DKK4: variants seen among roughly 807,000 people sequenced by gnomAD.
DKK4 encodes dickkopf-related protein 4.
Under a neutral mutation model 14.5 loss-of-function variants are expected in DKK4, and 15 were observed. That is an observed-to-expected ratio of 1.03 (90% confidence interval 0.69 to 1.59). The LOEUF is 1.59. DKK4 is among the 40% of genes most tolerant of loss of function. The probability of loss-of-function intolerance (pLI) is 0.00; values close to 1 mark genes in which losing one functional copy is unlikely to be tolerated. For missense variants in DKK4, 272 were observed against 280.3 expected (o/e 0.97, Z 0.21); for synonymous variants, 89 against 105.2 (o/e 0.85, Z 0.94).
the DKK4 span, among the ~76,000 whole-genome samples, chr8:42,383,768 C>G: frequency 6.6e-6 from 1 of 152,212 alleles, no homozygotes; most frequent in African/African-American, 2.4e-5. Context: ...CATGGCGAAA[C>G]CCCGTCTCTA....
the DKK4 span, among the ~76,000 whole-genome samples, chr8:42,390,476 G>T: frequency 1.4e-5 from 2 of 143,088 alleles, no homozygotes; most frequent in Non-Finnish European, 3.0e-5. Context: ...CCATTCTCCT[G>T]CCTCAGCCTC....
chr8:42,383,724 C>G, the DKK4 span, among the ~76,000 whole-genome samples: 1 of 152,240 alleles, frequency 6.6e-6, no homozygotes, highest in Non-Finnish European at 1.5e-5. Flanking sequence ...AGGCAGATCA[C>G]TGGAGGTCAG....
In DKK4 at chr8:42,374,880, AT is replaced by A. The variant is rs760313862; in HGVS notation, c.295del (p.Ile99TyrfsTer2). The stretch of plus-strand genomic sequence containing the variant: ...TTGCTCATCAAGCTGCCTTTCTAAT[AT>A]TGGGGTTGCATCTTCCATCGTAGTA... ...VCTTMEDATP[I>X]LERQLDEQDG... On this transcript the variant is annotated frameshift_variant, in exon 3 of 4. Transcript: ENST00000220812. LOFTEE classifies it high-confidence loss of function. 2.5e-5 allele frequency: 40 copies of A among 1,613,980 alleles called. No homozygotes were observed. Among genetic ancestry groups the A allele is most frequent in the Non-Finnish European group, 3.4e-5 (40 of 1,180,028 alleles).
the DKK4 span, among the ~76,000 whole-genome samples, chr8:42,384,608 A>G: frequency 6.6e-6 from 1 of 152,052 alleles, no homozygotes; most frequent in Admixed American, 6.5e-5. Context: ...CTTTGGCCAA[A>G]GAAAGCCACC....
At chr8:42,390,893 C>T in the DKK4 span, among the ~76,000 whole-genome samples, 17 of 152,236 alleles carry the variant, frequency 1.1e-4, no homozygotes, top group South Asian at 3.5e-3. Flanking sequence ...TGTGAAGGTA[C>T]CCTTTTCTCT....
intron 2 of DKK4, 141 bp downstream of exon 2, chr8:42,375,539 A>T: frequency 1.8e-6 from 2 of 1,106,298 alleles, no homozygotes; most frequent in Non-Finnish European, 2.5e-6. Context: ...AAAAAGGAAA[A>T]GAAAAGGCAG....
At chr8:42,386,202 G>T in the DKK4 span, among the ~76,000 whole-genome samples, 2 of 151,840 alleles carry the variant, frequency 1.3e-5, no homozygotes, top group Non-Finnish European at 2.9e-5. Context: ...TGATCCTCCC[G>T]CCTCAGCCTC....
chr8:42,388,197 T>C, the DKK4 span, among the ~76,000 whole-genome samples: 2 of 152,224 alleles, frequency 1.3e-5, no homozygotes, highest in Non-Finnish European at 2.9e-5. Context: ...GAGTTTTGCC[T>C]GTATAGCTTT....
chr8:42,382,958 G>A, the DKK4 span, among the ~76,000 whole-genome samples: 20 of 152,122 alleles, frequency 1.3e-4, no homozygotes, highest in Non-Finnish European at 1.5e-5. Context: ...TGTCAGAACC[G>A]ATTATTTATA....
chr8:42,374,974 C>G (rs1293525271), intron 2 of DKK4, 61 bp from the exon 3 acceptor site: 2 of 1,554,970 alleles, frequency 1.3e-6, no homozygotes, highest in Non-Finnish European at 1.8e-6. Flanking sequence ...CACAGACACA[C>G]TAATTATCCT....
the DKK4 span, among the ~76,000 whole-genome samples, chr8:42,388,716 G>A: frequency 7.5e-5 from 11 of 147,038 alleles, no homozygotes; most frequent in African/African-American, 2.3e-4. Flanking sequence ...GACTACAGGC[G>A]CACACCACCA....
chr8:42,377,091 C>A lies in DKK4; in HGVS notation c.-46G>T. On this transcript the variant is annotated 5_prime_UTR_variant, in exon 1 of 4. Transcript: ENST00000220812. ...GGAGGGTCCCAGCACTGTGCGTCAC[C>A]AAAGCGAGGCTGCTCTCCACCCAGA... is the stretch of plus-strand genomic sequence containing the variant. 2 of 1,521,788 alleles carry A rather than the reference C, an allele frequency of 1.3e-6. No individual in the cohort carries two copies. The highest frequency in any genetic ancestry group is 1.1e-5 in the South Asian group (1 of 88,092). The allele number at this position is 1,521,788 out of a possible 1,614,324, so 94.3% of individuals were successfully genotyped here. A position where few individuals can be genotyped will look rare whatever the true frequency, so the allele number is the denominator to read the frequency against.
At chr8:42,389,882 A>G in the DKK4 span, among the ~76,000 whole-genome samples, 2 of 150,636 alleles carry the variant, frequency 1.3e-5, no homozygotes, top group Admixed American at 6.6e-5. Flanking sequence ...ACCAACGTAC[A>G]CTATCCTTAG....
chr8:42,382,644 C>T, the DKK4 span, among the ~76,000 whole-genome samples: 8 of 152,162 alleles, frequency 5.3e-5, no homozygotes, highest in East Asian at 3.9e-4. Context: ...CAAAGGAAGC[C>T]GTCGTGCGAA....
upstream of DKK4, among the ~76,000 whole-genome samples, chr8:42,380,279 C>A (rs547410300): frequency 1.3e-5 from 2 of 151,944 alleles, no homozygotes; most frequent in Non-Finnish European, 2.9e-5. Flanking sequence ...GCTGCATGAT[C>A]CTATCCCTGC....
chr8:42,386,297 TAC>T, the DKK4 span, among the ~76,000 whole-genome samples: 49 of 150,284 alleles, frequency 3.3e-4, no homozygotes, highest in South Asian at 4.2e-4. Context: ...AAAATTACAA[TAC>T]ACACACACAC....
chr8:42,385,695 G>A, the DKK4 span, among the ~76,000 whole-genome samples: 716 of 152,250 alleles, frequency 4.7e-3, 4 homozygotes, highest in African/African-American at 0.016. Flanking sequence ...GATTCCAGGA[G>A]CATTTCCCAA....
upstream of DKK4, among the ~76,000 whole-genome samples, chr8:42,379,226 C>T (rs1352652193): frequency 4.8e-5 from 7 of 144,908 alleles, no homozygotes; most frequent in African/African-American, 1.8e-4. Context: ...ACTCCAGCCT[C>T]GGCAACAGAG....
At chr8:42,374,612 G>A in intron 3 of DKK4, 149 bp downstream of exon 3, 2 of 1,248,024 alleles carry the variant, frequency 1.6e-6, no homozygotes, top group South Asian at 2.8e-5. Context: ...GACCCCCACA[G>A]CTTCTTACAG....
Sources: allele counts gnomAD v4.1 joint callset (sites outside exome capture counted in the v4.1 genomes callset), GRCh38; gene constraint gnomAD v4.1.1; transcripts MANE v1.5; gene names NCBI Gene and HGNC (gene_info 2026-07-23, HGNC 2026-07-21).